The following PCDHGA5 variants were observed in gnomAD, a reference collection of about 807,000 sequenced individuals.
PCDHGA5 encodes the protein protocadherin gamma-A5.
PCDHGA5 carries 36 observed loss-of-function variants against 56.7 expected under a neutral mutation model. The ratio of observed to expected loss-of-function variants is 0.64; its 90% CI spans 0.49 to 0.84. The LOEUF is 0.84. PCDHGA5 is among the 40% of genes least tolerant of loss of function. The pLI, the probability that PCDHGA5 is intolerant of heterozygous loss-of-function variation, is 0.00. For synonymous variants in PCDHGA5, 563 were observed against 520.2 expected (o/e 1.08, Z -1.12); for missense variants, 1,305 against 1,201.5 (o/e 1.09, Z -1.27).
chr5:141,484,121 C>A (rs1451102473), intron 1 of PCDHGA5, among the ~76,000 whole-genome samples: 1 of 152,152 alleles, frequency 6.6e-6, no homozygotes, highest in African/African-American at 2.4e-5. Context: ...TCAAGAATAC[C>A]TTGGTGTCAG....
At chr5:141,413,329 A>G (rs762420040) in intron 1 of PCDHGA5, 1 of 1,613,966 alleles carries the variant, frequency 6.2e-7, no homozygotes, top group Non-Finnish European at 8.5e-7. Context: ...CGTGGGCAAC[A>G]TCTCCAAGGA....
intron 1 of PCDHGA5, among the ~76,000 whole-genome samples, chr5:141,437,499 CA>C (rs2097890101): frequency 6.6e-6 from 1 of 152,076 alleles, no homozygotes; most frequent in African/African-American, 2.4e-5. Context: ...GATCACTTTT[CA>C]ATGAATTATA....
At chr5:141,389,141 C>G (rs919430175) in intron 1 of PCDHGA5, 1 of 1,613,878 alleles carries the variant, frequency 6.2e-7, no homozygotes, top group African/African-American at 1.3e-5. Context: ...ACAATATAAC[C>G]GTTACGGCAA....
Position 141,431,706 on chromosome 5 carries a change from AG to A in PCDHGA5, c.2422-63100del. The A allele has an allele frequency of 6.2e-7, 1 of 1,614,248 alleles. No homozygotes were observed. The highest frequency in any genetic ancestry group is 8.5e-7 in the Non-Finnish European group (1 of 1,180,048). ...GACCACGAGGAGTCAGGATTCTACC[AG>A]ATGGAAGTGCAAGCAATGGATAATG... On this transcript the variant is annotated intron_variant, in intron 1 of 3. Coordinates refer to ENST00000518069, the MANE Select transcript of PCDHGA5 (RefSeq NM_018918.3). This position sits in a 1 kb window ranked among gnomAD's most constrained non-coding sequence, Gnocchi z 4.8.
At position 141,481,719 on chromosome 5, in the gene PCDHGA5, G is replaced by A. The variant is rs1055207250; in HGVS notation, c.2422-13088G>A. On this transcript the variant is annotated intron_variant, in intron 1 of 3. Coordinates refer to ENST00000518069, the MANE Select transcript of PCDHGA5 (RefSeq NM_018918.3). ...CTGTAATCCCAGCACTTTGGGAGGC[G>A]GAGGCGGGCGGATCACGAGGTCAGG... 5.3e-5 allele frequency among the ~76,000 whole-genome samples: 8 copies of A among 151,716 alleles called. No homozygotes were observed. In the East Asian group the frequency reaches 9.7e-4, roughly 18 times the overall value.
At chr5:141,389,408 G>A (rs2091745894) in intron 1 of PCDHGA5, 6 of 1,613,494 alleles carry the variant, frequency 3.7e-6, no homozygotes, top group Admixed American at 1.7e-5. Flanking sequence ...TAAGCGCGGA[G>A]AGCGGGGTGG....
At chr5:141,467,747 C>T (rs56743829) in intron 1 of PCDHGA5, among the ~76,000 whole-genome samples, 7,097 of 152,110 alleles carry the variant, frequency 0.047, 213 homozygotes, top group Middle Eastern at 0.092. Context: ...CTGCAACCTC[C>T]GCCTCACATG....
At chr5:141,415,151 C>G in intron 1 of PCDHGA5, 2 of 1,613,814 alleles carry the variant, frequency 1.2e-6, no homozygotes, top group Non-Finnish European at 1.7e-6. Flanking sequence ...CCCCCTCTCT[C>G]CGCCACTGTC....
At chr5:141,374,520 C>G (rs1178494066) in intron 1 of PCDHGA5, 3 of 1,612,422 alleles carry the variant, frequency 1.9e-6, no homozygotes, top group Non-Finnish European at 2.5e-6. Flanking sequence ...CTCGAAAACG[C>G]AGCTCCATCC....
At chr5:141,394,256 C>G in intron 1 of PCDHGA5, 1 of 1,613,942 alleles carries the variant, frequency 6.2e-7, no homozygotes, top group Non-Finnish European at 8.5e-7. Flanking sequence ...ACCCCGACAG[C>G]CAGGAGAATG....
intron 1 of PCDHGA5, among the ~76,000 whole-genome samples, chr5:141,482,385 A>T (rs1238551737): frequency 6.6e-6 from 1 of 152,210 alleles, no homozygotes; most frequent in Non-Finnish European, 1.5e-5. Context: ...AAGTCCCTGT[A>T]TGGAGCAAGT....
At chr5:141,388,965 G>A in intron 1 of PCDHGA5, 2 of 1,613,978 alleles carry the variant, frequency 1.2e-6, no homozygotes, top group Non-Finnish European at 1.7e-6. Flanking sequence ...CGCCGAGCTG[G>A]GAACACATAT....
At chr5:141,423,332 C>T in intron 1 of PCDHGA5, 1 of 1,614,198 alleles carries the variant, frequency 6.2e-7, no homozygotes, top group South Asian at 1.1e-5. Flanking sequence ...GCCGCAGTCT[C>T]CTGCATCTTC....
intron 1 of PCDHGA5, chr5:141,371,085 A>T: frequency 6.2e-7 from 1 of 1,613,830 alleles, no homozygotes; most frequent in Non-Finnish European, 8.5e-7. Context: ...GATCAGGGTA[A>T]TTGTCGCAGA....
At chr5:141,420,062 T>G (rs759817545) in intron 1 of PCDHGA5, 1 of 1,614,066 alleles carries the variant, frequency 6.2e-7, no homozygotes, top group Non-Finnish European at 8.5e-7. Context: ...CTGCTCCAAG[T>G]CCGGACCTGT....
At chr5:141,371,159 G>T in intron 1 of PCDHGA5, 2 of 1,614,024 alleles carry the variant, frequency 1.2e-6, no homozygotes, top group Non-Finnish European at 1.7e-6. Context: ...CAGAGAACCT[G>T]CCCGCTGGCT....
At chr5:141,419,318 G>A in intron 1 of PCDHGA5, 1 of 1,613,992 alleles carries the variant, frequency 6.2e-7, no homozygotes, top group Non-Finnish European at 8.5e-7. Flanking sequence ...CAACGGCCGT[G>A]TCTCCTACTC....
At chr5:141,428,114 C>CG in intron 1 of PCDHGA5, 2 of 1,607,202 alleles carry the variant, frequency 1.2e-6, no homozygotes, top group Non-Finnish European at 1.7e-6. Flanking sequence ...TGCAGGCCAT[C>CG]GAGCCCGGGC....
At chr5:141,417,954 C>A (rs2096198021) in intron 1 of PCDHGA5, 3 of 1,613,600 alleles carry the variant, frequency 1.9e-6, no homozygotes, top group South Asian at 1.1e-5. Flanking sequence ...CTGTGTGAGC[C>A]GATCCGCTAC....
Sources: allele counts gnomAD v4.1 joint callset (sites outside exome capture counted in the v4.1 genomes callset), GRCh38; gene constraint gnomAD v4.1.1; non-coding constraint Gnocchi (gnomAD v3.1); transcripts MANE v1.5; gene names NCBI Gene and HGNC (gene_info 2026-07-23, HGNC 2026-07-21).